IGSF21: variants seen among roughly 807,000 people sequenced by gnomAD.
The protein encoded by IGSF21 is immunoglobin superfamily member 21, also known as immunoglobulin superfamily member 21.
A neutral mutation model predicts 46.8 loss-of-function variants in IGSF21; 28 were observed. The ratio of observed to expected loss-of-function variants is 0.60; its 90% confidence interval spans 0.44 to 0.82. The LOEUF is 0.82. Among genes scored for constraint, IGSF21 ranks in the 40% least tolerant of loss-of-function variants. The pLI is 0.00. For synonymous variants in IGSF21, 284 were observed against 273.6 expected, an observed-to-expected ratio of 1.04 and a Z score of -0.38; for missense variants, 624 against 665.5, an observed-to-expected ratio of 0.94 and a Z score of 0.69.
rs760448516 is a variant in IGSF21, at chr1:18,273,039, C to CTTTTT, written c.184-18806_184-18802dup. ...CTTCTCCACTAGCAGCCAGACGGATCTTTTTTTTTTTTTTTTTTTTTTTTT... is the reference window on the plus strand; with the variant it reads ...CTTCTCCACTAGCAGCCAGACGGATCTTTTTTTTTTTTTTTTTTTTTTTTTTTTTT... On this transcript the variant is annotated intron_variant, in intron 2 of 9. Coordinates refer to ENST00000251296, the MANE Select transcript of IGSF21 (RefSeq NM_032880.5). Among the ~76,000 whole-genome samples, 80 of 80,716 alleles carry CTTTTT rather than the reference C, an allele frequency of 9.9e-4. 8 individuals carry two copies. The highest frequency in any genetic ancestry group is 4.0e-3 in the African/African-American group (74 of 18,700). The allele number at this position is 80,716 out of a possible 152,430, so 53.0% of individuals were successfully genotyped here.
intron 2 of IGSF21, among the ~76,000 whole-genome samples, chr1:18,230,054 C>G (rs2084607482): frequency 6.6e-6 from 1 of 152,222 alleles, no homozygotes; most frequent in East Asian, 1.9e-4. Context: ...TGTCCTCCCT[C>G]CGGTTTGAAA....
At chr1:18,265,971 T>C in intron 2 of IGSF21, among the ~76,000 whole-genome samples, 1 of 152,140 alleles carries the variant, frequency 6.6e-6, no homozygotes, top group Non-Finnish European at 1.5e-5. Context: ...GAGAGGCTTT[T>C]AGGGATTTAA....
At chr1:18,360,410 A>T (rs1397685091) in intron 4 of IGSF21, among the ~76,000 whole-genome samples, 2 of 152,136 alleles carry the variant, frequency 1.3e-5, no homozygotes, top group Non-Finnish European at 2.9e-5. Flanking sequence ...TAGGCCTTGA[A>T]ATAGAGTTGC....
At chr1:18,117,073 A>T (rs1342617638) in intron 1 of IGSF21, among the ~76,000 whole-genome samples, 1 of 152,230 alleles carries the variant, frequency 6.6e-6, no homozygotes, top group Non-Finnish European at 1.5e-5. Flanking sequence ...GTGGAGTGGC[A>T]TTCCCAGAGC....
At chr1:18,187,105 G>A (rs1267415686) in intron 1 of IGSF21, among the ~76,000 whole-genome samples, 2 of 152,028 alleles carry the variant, frequency 1.3e-5, no homozygotes, top group Admixed American at 6.5e-5. Flanking sequence ...ACAGTTCTGG[G>A]GACTAGGAAG....
intron 4 of IGSF21, among the ~76,000 whole-genome samples, chr1:18,356,919 G>A (rs2086024612): frequency 2.0e-5 from 3 of 152,010 alleles, no homozygotes; most frequent in Middle Eastern, 6.8e-3. Flanking sequence ...GGAGAGAATA[G>A]GGGATGGAGA....
At chr1:18,295,096 G>A (rs2085300247) in intron 3 of IGSF21, among the ~76,000 whole-genome samples, 1 of 152,192 alleles carries the variant, frequency 6.6e-6, no homozygotes, top group Admixed American at 6.5e-5. Context: ...AGGACTCCTG[G>A]AGCTTTTTGT....
At chr1:18,222,135 T>A (rs770200684) in intron 1 of IGSF21, among the ~76,000 whole-genome samples, 20 of 152,080 alleles carry the variant, frequency 1.3e-4, no homozygotes, top group Non-Finnish European at 2.4e-4. Context: ...TGCCTCCTCA[T>A]TCCCAGGGGC....
At position 18,109,870 on chromosome 1, in the gene IGSF21, T is replaced by A. The variant is rs1259213915; in HGVS notation, c.70+1672T>A. The A allele has an allele frequency of 6.6e-6, 1 of 151,634 alleles. No individual in the cohort carries two copies. Among genetic ancestry groups the A allele is most frequent in the East Asian group, 2.0e-4 (1 of 5,106 alleles). 9.4% of individuals were successfully genotyped at this position (151,634 alleles called of 1,614,324 possible). On this transcript the variant is annotated intron_variant, in intron 1 of 9. Transcript: ENST00000251296. This position sits in a 1 kb window ranked among gnomAD's most constrained non-coding sequence, Gnocchi z 4.8. ...ATTGCAGGGGGCGGGGGTTGGAGGC[T>A]GGGGACCTAAGGTAAGCACCCCTTT...
chr1:18,316,219 G>T (rs1253826627), intron 3 of IGSF21, among the ~76,000 whole-genome samples: 34 of 152,158 alleles, frequency 2.2e-4, no homozygotes, highest in Admixed American at 2.2e-3. Context: ...GTGCCCCAGA[G>T]ACTTTGGGCC....
At chr1:18,250,850 G>C (rs1372884933) in intron 2 of IGSF21, among the ~76,000 whole-genome samples, 1 of 152,162 alleles carries the variant, frequency 6.6e-6, no homozygotes, top group Non-Finnish European at 1.5e-5. Context: ...GTGGGGTGAG[G>C]AGACAGACCA....
chr1:18,329,054 G>A (rs906575603), intron 3 of IGSF21, among the ~76,000 whole-genome samples: 1 of 152,182 alleles, frequency 6.6e-6, no homozygotes, highest in Admixed American at 6.5e-5. Context: ...GAGGTGGCAA[G>A]CCTCAGAATA....
In IGSF21 at chr1:18,378,335, G is replaced by T. The variant is rs72940712; in HGVS notation, c.*9G>T. On this transcript the variant is annotated 3_prime_UTR_variant, in exon 10 of 10. Coordinates refer to ENST00000251296, the MANE Select transcript of IGSF21 (RefSeq NM_032880.5). Reference sequence around the variant, plus strand: ...TTCTGGAGCTGACGTGAAGGCACCCGCCCCGGCCACTCCATCAGGCACTGA... The same window carrying T: ...TTCTGGAGCTGACGTGAAGGCACCCTCCCCGGCCACTCCATCAGGCACTGA... 11 of 1,611,772 alleles carry T rather than the reference G, an allele frequency of 6.8e-6. No individual in the cohort carries two copies. Among genetic ancestry groups the T allele is most frequent in the Non-Finnish European group, 9.3e-6 (11 of 1,178,628 alleles).
intron 1 of IGSF21, among the ~76,000 whole-genome samples, chr1:18,179,627 C>T (rs758168180): frequency 3.4e-4 from 51 of 151,888 alleles, no homozygotes; most frequent in Non-Finnish European, 2.2e-4. Flanking sequence ...CTGATGGAGG[C>T]GGCAACTCTC....
chr1:18,326,763 A>C (rs1005645049), intron 3 of IGSF21, among the ~76,000 whole-genome samples: 4 of 152,120 alleles, frequency 2.6e-5, no homozygotes, highest in Admixed American at 1.3e-4. Flanking sequence ...GGTCTGGGCC[A>C]CATCTGAGTT....
intron 2 of IGSF21, among the ~76,000 whole-genome samples, chr1:18,250,746 C>A (rs1052254904): frequency 7.2e-5 from 11 of 152,150 alleles, no homozygotes; most frequent in African/African-American, 2.4e-4. Flanking sequence ...TTAATATTCC[C>A]AGTCTACAAG....
In IGSF21 at chr1:18,193,918, G is replaced by A. The variant is rs142579565; in HGVS notation, c.71-33980G>A. 1.2e-3 allele frequency among the ~76,000 whole-genome samples: 184 copies of A among 152,272 alleles called. 1 individual carries two copies. The highest frequency in any genetic ancestry group is 3.3e-3 in the African/African-American group (138 of 41,538). ...GGAGTTTCCCCCTGAGTGTGTGTCTGTGTGTGTGCTGGATGCTGCCACACT... is the reference window on the plus strand; with the variant it reads ...GGAGTTTCCCCCTGAGTGTGTGTCTATGTGTGTGCTGGATGCTGCCACACT... On this transcript the variant is annotated intron_variant, in intron 1 of 9. Transcript: ENST00000251296.
In IGSF21 at chr1:18,378,359, G is replaced by A. The variant is rs747964928; in HGVS notation, c.*33G>A. On this transcript the variant is annotated 3_prime_UTR_variant, in exon 10 of 10. Coordinates refer to ENST00000251296, the MANE Select transcript of IGSF21 (RefSeq NM_032880.5). Reference sequence around the variant, plus strand: ...CGCCCCGGCCACTCCATCAGGCACTGACATCTCCACGACCGGTTTTCATTT... The same window carrying A: ...CGCCCCGGCCACTCCATCAGGCACTAACATCTCCACGACCGGTTTTCATTT... 6 of 1,562,914 alleles carry A rather than the reference G, an allele frequency of 3.8e-6. No individual in the cohort carries two copies. Among genetic ancestry groups the A allele is most frequent in the East Asian group, 2.2e-5 (1 of 44,578 alleles).
intron 3 of IGSF21, among the ~76,000 whole-genome samples, chr1:18,324,271 G>C (rs956841632): frequency 1.3e-5 from 2 of 152,230 alleles, no homozygotes; most frequent in Admixed American, 6.5e-5. Context: ...CCTGCGTTGT[G>C]TGGTGAAAAG....
Sources: gnomAD v4.1 joint callset for allele counts (sites outside exome capture counted in the v4.1 genomes callset) on GRCh38, gnomAD v4.1.1 for gene constraint, Gnocchi (gnomAD v3.1) non-coding constraint, MANE v1.5 for transcripts, NCBI Gene and HGNC (gene_info 2026-07-23, HGNC 2026-07-21) for gene names.